The following EXOC5 variants were observed in gnomAD, a reference collection of about 807,000 sequenced individuals.
EXOC5 encodes the protein exocyst complex component 5.
Under a neutral mutation model 90.8 loss-of-function variants are expected in EXOC5, and 17 were observed. The ratio of observed to expected loss-of-function variants is 0.19; its 90% CI spans 0.13 to 0.28. The LOEUF (loss-of-function observed/expected upper bound fraction) is 0.28, where lower values mean the gene tolerates loss of function less well. Ranked by LOEUF, EXOC5 falls within the 10% of genes least tolerant of loss-of-function variation. The pLI, the probability that EXOC5 is intolerant of heterozygous loss-of-function variation, is 1.00. For synonymous variants in EXOC5, 260 were observed against 270.0 expected (o/e 0.96, Z 0.36); for missense variants, 569 against 830.6 (o/e 0.69, Z 3.87).
chr14:57,237,091 C>A (rs533499744), intron 6 of EXOC5, among the ~76,000 whole-genome samples: 156 of 151,962 alleles, frequency 1.0e-3, no homozygotes, highest in African/African-American at 3.6e-3. Context: ...TACATATGTA[C>A]ACACACACAT....
intron 12 of EXOC5, among the ~76,000 whole-genome samples, chr14:57,228,005 TATAC>T (rs1193620240): frequency 6.8e-6 from 1 of 146,192 alleles, no homozygotes. Context: ...ACAAGATATA[TATAC>T]ATACACACAC....
chr14:57,243,291 A>G (rs891166353), intron 4 of EXOC5: 2 of 152,248 alleles, frequency 1.3e-5, no homozygotes, highest in Admixed American at 6.5e-5. Flanking sequence ...CTGTACACAC[A>G]TAACTATTTT....
intron 13 of EXOC5, among the ~76,000 whole-genome samples, chr14:57,219,886 T>G (rs570037057): frequency 6.6e-6 from 1 of 152,104 alleles, no homozygotes; most frequent in African/African-American, 2.4e-5. Flanking sequence ...ACTCAAAATG[T>G]CCTATCTACA....
intron 5 of EXOC5, 57 bp downstream of exon 5, chr14:57,239,538 A>T: frequency 1.0e-6 from 1 of 971,552 alleles, no homozygotes; most frequent in Non-Finnish European, 1.5e-6. Context: ...AAAAGATACT[A>T]TTTTATTTTA....
chr14:57,261,651 T>C (rs958151865), intron 1 of EXOC5, among the ~76,000 whole-genome samples: 1 of 152,196 alleles, frequency 6.6e-6, no homozygotes, highest in East Asian at 1.9e-4. Context: ...ACAAATCTGA[T>C]TGGAGGAGGG....
rs750295476 is a variant in EXOC5 at position 57,231,729 on chromosome 14, A to T, written c.939-14T>A. Reference sequence around the variant, plus strand: ...AGATTGGTGGTTCTTTTCATGAAAAAGGGGGAGAAAAAGATTAATATACAT... The same window carrying T: ...AGATTGGTGGTTCTTTTCATGAAAATGGGGGAGAAAAAGATTAATATACAT... On this transcript the variant is annotated splice_polypyrimidine_tract_variant and intron_variant, in intron 10 of 17. Coordinates refer to ENST00000621441, the MANE Select transcript of EXOC5 (RefSeq NM_006544.4). The T allele has an allele frequency of 6.5e-7, 1 of 1,536,024 alleles. No individual in the cohort carries two copies. The highest frequency in any genetic ancestry group is 8.9e-7 in the Non-Finnish European group (1 of 1,124,472).
intron 12 of EXOC5, among the ~76,000 whole-genome samples, chr14:57,222,784 T>C (rs891708452): frequency 6.7e-6 from 1 of 149,912 alleles, no homozygotes; most frequent in South Asian, 2.1e-4. Flanking sequence ...TATATATGTA[T>C]ACACACACAC....
chr14:57,214,910 C>G (rs1310576405), intron 15 of EXOC5, among the ~76,000 whole-genome samples: 1 of 152,062 alleles, frequency 6.6e-6, no homozygotes, highest in African/African-American at 2.4e-5. Flanking sequence ...ACCAGATGGC[C>G]TTACTAGTGA....
intron 2 of EXOC5, among the ~76,000 whole-genome samples, 179 bp from the exon 3 acceptor site, chr14:57,247,037 T>C (rs1884051735): frequency 6.6e-6 from 1 of 152,194 alleles, no homozygotes; most frequent in African/African-American, 2.4e-5. Flanking sequence ...AGTCTTTCTG[T>C]AATTTCATAA....
Position 57,219,457 on chromosome 14 carries a change from C to T in EXOC5, c.1406-15G>A. ...AGAGGGAATTCCTAAAACCAGAAAG[C>T]ATACATATGTTAGAATCATCCTTGA... On this transcript the variant is annotated splice_polypyrimidine_tract_variant and intron_variant, in intron 13 of 17. Coordinates refer to ENST00000621441, the MANE Select transcript of EXOC5 (RefSeq NM_006544.4). The T allele has an allele frequency of 6.4e-7, 1 of 1,558,386 alleles. No individual in the cohort carries two copies. Among genetic ancestry groups the T allele is most frequent in the African/African-American group, 1.4e-5 (1 of 72,706 alleles).
chr14:57,224,237 T>C (rs1883235797), intron 12 of EXOC5, among the ~76,000 whole-genome samples: 1 of 151,458 alleles, frequency 6.6e-6, no homozygotes, highest in South Asian at 2.1e-4. Context: ...AGAGTAGAAA[T>C]TGATGAATAC....
At chr14:57,261,244 G>C (rs956793168) in intron 1 of EXOC5, among the ~76,000 whole-genome samples, 2 of 152,106 alleles carry the variant, frequency 1.3e-5, no homozygotes, top group African/African-American at 4.8e-5. Context: ...AAGAGAACAA[G>C]GCAATCAATC....
chr14:57,242,240 A>T (rs572930987), intron 4 of EXOC5, among the ~76,000 whole-genome samples: 13 of 152,106 alleles, frequency 8.5e-5, no homozygotes, highest in African/African-American at 3.1e-4. Context: ...TGTTTTCAGA[A>T]TATGAGAAGA....
At chr14:57,209,928 T>C in intron 16 of EXOC5, 25 bp downstream of exon 16, 1 of 1,296,306 alleles carries the variant, frequency 7.7e-7, no homozygotes, top group Non-Finnish European at 1.1e-6. Context: ...AACAAAGTAT[T>C]AACAAACTGA....
intron 2 of EXOC5, 51 bp downstream of exon 2, chr14:57,247,567 A>G: frequency 1.3e-6 from 1 of 787,066 alleles, no homozygotes; most frequent in South Asian, 1.8e-5. Flanking sequence ...CTATTCTAAC[A>G]CTAATGTGTA....
chr14:57,202,061 CTA>C lies in EXOC5; in HGVS notation c.*6546_*6547del, dbSNP rs1460655602. 6.6e-6 allele frequency: 1 copy of C among 151,998 alleles called. No homozygotes were observed. The highest frequency in any genetic ancestry group is 2.4e-5 in the African/African-American group (1 of 41,376). The allele number at this position is 151,998 out of a possible 1,614,324, so 9.4% of individuals were successfully genotyped here. On this transcript the variant is annotated 3_prime_UTR_variant, in exon 18 of 18. Transcript: ENST00000621441. The stretch of plus-strand genomic sequence containing the variant: ...AAATGGGGCAAATTGAAATTGTGTA[CTA>C]TGTGATAGGATGCAACAATAACACA...
intron 17 of EXOC5, among the ~76,000 whole-genome samples, 200 bp downstream of exon 17, chr14:57,209,367 T>A (rs1345349383): frequency 2.0e-5 from 3 of 151,430 alleles, no homozygotes; most frequent in African/African-American, 7.3e-5. Flanking sequence ...GGAAAAAAAA[T>A]AAATAAAAAT....
Position 57,233,861 on chromosome 14 carries a change from A to G in EXOC5, c.737T>C (p.Ile246Thr), listed in dbSNP as rs771876104. The change falls in exon 9 of 18, where the codon ATA becomes ACA. Residue 246 changes from isoleucine (I) to threonine (T), a missense_variant. Ile to Thr is a moderately conservative substitution (Grantham distance 89). This residue lies in a region of EXOC5 where 114 missense variants were observed against 111.2 expected (regional missense o/e 1.03). Coordinates refer to ENST00000621441, the MANE Select transcript of EXOC5 (RefSeq NM_006544.4). ...CQEGAYLRND[I>T]FEDAGILCQR... ...ACAGAGTATTCCAGCGTCTTCAAAT[A>G]TATCATTTCTCAAATAAGCACCCTA... 21 of 1,610,574 alleles carry G rather than the reference A, an allele frequency of 1.3e-5. No individual in the cohort carries two copies. In the South Asian group the frequency reaches 1.3e-4, roughly 10 times the overall value.
At chr14:57,215,666 C>A (rs947453315) in intron 15 of EXOC5, among the ~76,000 whole-genome samples, 4 of 150,772 alleles carry the variant, frequency 2.7e-5, no homozygotes, top group South Asian at 4.2e-4. Context: ...AAGGAATATA[C>A]CTAAAGATAA....
Sources: allele counts gnomAD v4.1 joint callset (sites outside exome capture counted in the v4.1 genomes callset), GRCh38; gene constraint gnomAD v4.1.1; regional missense constraint gnomAD v4.1.1; transcripts MANE v1.5; gene names NCBI Gene and HGNC (gene_info 2026-07-23, HGNC 2026-07-21).